Variants in HDGFL2 observed in about 807,000 individuals in gnomAD.
HDGFL2 encodes HDGF like 2.
HDGFL2 carries 36 observed loss-of-function variants against 77.1 expected under a neutral mutation model. That is an observed-to-expected ratio of 0.47 (90% confidence interval 0.36 to 0.62). HDGFL2 has a LOEUF of 0.62. Ranked by LOEUF, HDGFL2 falls within the 20% of genes least tolerant of loss-of-function variation. HDGFL2 has a pLI of 0.00. For synonymous variants in HDGFL2, 463 were observed against 413.1 expected (o/e 1.12, Z -1.46); for missense variants, 976 against 973.4 (o/e 1.00, Z -0.04).
At chr19:4,480,669 A>C (rs2145163407) in intron 3 of HDGFL2, among the ~76,000 whole-genome samples, 1 of 151,660 alleles carries the variant, frequency 6.6e-6, no homozygotes, top group East Asian at 2.0e-4. Flanking sequence ...CAGTGGGCTG[A>C]GATTGTGCCA....
chr19:4,499,437 C>CG (rs1975795411), intron 13 of HDGFL2, 54 bp from the exon 14 acceptor site: 1 of 1,547,490 alleles, frequency 6.5e-7, no homozygotes, highest in South Asian at 1.2e-5. Flanking sequence ...GGTTCAGAGC[C>CG]GGGGCTAGGG....
intron 4 of HDGFL2, among the ~76,000 whole-genome samples, chr19:4,491,253 A>ACCCCCCCC (rs1568211748): frequency 7.9e-4 from 20 of 25,266 alleles, no homozygotes; most frequent in Non-Finnish European, 1.4e-3. Context: ...CCCACCACCC[A>ACCCCCCCC]CCCCCCCACC....
intron 6 of HDGFL2, among the ~76,000 whole-genome samples, chr19:4,492,408 C>T (rs1174224950): frequency 1.3e-5 from 2 of 151,266 alleles, no homozygotes; most frequent in Admixed American, 6.6e-5. Flanking sequence ...CTGTACCTCT[C>T]CTCTGCGTCT....
chr19:4,485,109 G>T (rs1424542209), intron 3 of HDGFL2, among the ~76,000 whole-genome samples: 1 of 152,140 alleles, frequency 6.6e-6, no homozygotes, highest in Admixed American at 6.6e-5. Context: ...CCTGGCCCAG[G>T]ATATTTTCAA....
Position 4,494,305 on chromosome 19 carries a change from C to A in HDGFL2, c.1054C>A (p.Arg352=), listed in dbSNP as rs756355754. ...LREQEKEEKE[R]RRERADRGEA... ...GGAGCAGGAGAAGGAGGAGAAGGAG[C>A]GGAGGCGCGAGCGGGCCGACCGCGG... Residue 352 remains arginine (R), a synonymous_variant, in exon 9 of 16, where the codon CGG becomes AGG. Coordinates refer to ENST00000616600, the MANE Select transcript of HDGFL2 (RefSeq NM_001001520.3). The A allele has an allele frequency of 2.8e-5, 40 of 1,434,206 alleles. No homozygotes were observed. The highest frequency in any genetic ancestry group is 3.5e-5 in the Non-Finnish European group (38 of 1,097,540). 88.8% of individuals were successfully genotyped at this position (1,434,206 alleles called of 1,614,324 possible).
At chr19:4,497,031 C>A (rs545762859) in intron 10 of HDGFL2, 271 of 392,870 alleles carry the variant, frequency 6.9e-4, no homozygotes, top group African/African-American at 5.4e-3. Context: ...CCCGCCACCA[C>A]GCCTGGCTAA....
intron 14 of HDGFL2, among the ~76,000 whole-genome samples, chr19:4,500,037 G>T (rs1975816999): frequency 3.0e-4 from 2 of 6,562 alleles, no homozygotes; most frequent in African/African-American, 1.2e-3. Context: ...GTGCAGCGGG[G>T]GCAAAGAGTG....
chr19:4,475,725 G>C lies in HDGFL2; in HGVS notation c.288+142G>C, dbSNP rs1256165021. On this transcript the variant is annotated intron_variant, in intron 3 of 15. Transcript: ENST00000616600. ...GTGGGGCATTCTGGGCCCTGCAGGT[G>C]CTGAGCAGTGTCCCTGGCCTCCACC... The C allele has an allele frequency of 2.8e-6, 3 of 1,054,002 alleles. No individual in the cohort carries two copies. In the African/African-American group the frequency reaches 4.9e-5, roughly 17 times the overall value. The allele number at this position is 1,054,002 out of a possible 1,614,324, so 65.3% of individuals were successfully genotyped here.
rs1057208147 is a variant in HDGFL2 at position 4,499,484 on chromosome 19, T to C, written c.1576-7T>C. ...GGGTGAGCCAGGCCTCTTCTCTTGG[T>C]GGCCAGATTCGCCGTTACAAAGCGA... is the stretch of plus-strand genomic sequence containing the variant. On this transcript the variant is annotated splice_polypyrimidine_tract_variant and splice_region_variant and intron_variant, in intron 13 of 15. Coordinates refer to ENST00000616600, the MANE Select transcript of HDGFL2 (RefSeq NM_001001520.3). 1 of 1,611,326 alleles carries C rather than the reference T, an allele frequency of 6.2e-7. No homozygotes were observed. The highest frequency in any genetic ancestry group is 8.5e-7 in the Non-Finnish European group (1 of 1,178,668).
chr19:4,498,043 C>A lies in HDGFL2; in HGVS notation c.1402+12C>A, dbSNP rs1283099612. 3.2e-6 allele frequency: 5 copies of A among 1,547,700 alleles called. No individual in the cohort carries two copies. The highest frequency in any genetic ancestry group is 2.0e-5 in the Admixed American group (1 of 50,990). On this transcript the variant is annotated intron_variant, in intron 11 of 15. Transcript: ENST00000616600. ...AGAGAAGAAGAAAGGTGAGGCCTGG[C>A]TGCCCAGCACTGCCCACACTGAGTT...
rs2288925 is a variant in HDGFL2, at chr19:4,498,367, C to G, written c.1464C>G (p.Val488=). ...GTGAGATCAAGTTTGCCCTAAAGGTCGACAGCCCGGTAAGACCCTCAGGGC... is the reference window on the plus strand; with the variant it reads ...GTGAGATCAAGTTTGCCCTAAAGGTGGACAGCCCGGTAAGACCCTCAGGGC... The part of the protein sequence containing the change: ...LHSEIKFALK[V]DSPDVKRCLN... Residue 488 remains valine (V), a synonymous_variant, in exon 12 of 16, where the codon GTC becomes GTG. Coordinates refer to ENST00000616600, the MANE Select transcript of HDGFL2 (RefSeq NM_001001520.3). 26 of 1,613,246 alleles carry G rather than the reference C, an allele frequency of 1.6e-5. No homozygotes were observed. In the East Asian group the frequency reaches 2.2e-4, roughly 14 times the overall value.
intron 14 of HDGFL2, 91 bp downstream of exon 14, chr19:4,499,795 T>C (rs1483915489): frequency 2.9e-6 from 3 of 1,052,398 alleles, no homozygotes; most frequent in Non-Finnish European, 4.0e-6. Context: ...GGAGTACAGC[T>C]CTACTCTCTG....
At chr19:4,496,834 C>T in intron 10 of HDGFL2, 2 of 389,130 alleles carry the variant, frequency 5.1e-6, no homozygotes, top group East Asian at 7.0e-5. Context: ...CTTGGTCCCC[C>T]TGTGGTGGGC....
Position 4,493,764 on chromosome 19 carries a change from C to T in HDGFL2, c.740C>T (p.Pro247Leu), listed in dbSNP as rs1374620503. 2 of 1,543,008 alleles carry T rather than the reference C, an allele frequency of 1.3e-6. No homozygotes were observed. The highest frequency in any genetic ancestry group is 1.4e-5 in the African/African-American group (1 of 72,888). The part of the protein sequence containing the change: ...KADSDGAKPE[P>L]VAMARSASSS... The stretch of plus-strand genomic sequence containing the variant: ...GATTCGGACGGGGCCAAGCCTGAGC[C>T]GGTGGCCATGGCGCGGTCGGCGTCC... Residue 247 changes from proline to leucine, a missense_variant, in exon 7 of 16, where the codon CCG becomes CTG. Transcript: ENST00000616600.
chr19:4,502,082 C>A lies in HDGFL2; in HGVS notation c.*72C>A. 1.8e-6 allele frequency: 2 copies of A among 1,083,622 alleles called. No individual in the cohort carries two copies. Among genetic ancestry groups the A allele is most frequent in the Non-Finnish European group, 2.7e-6 (2 of 733,652 alleles). 67.1% of individuals were successfully genotyped at this position (1,083,622 alleles called of 1,614,324 possible). The stretch of plus-strand genomic sequence containing the variant: ...TCTCCTTCCCCGGCTCGCAGGAGAG[C>A]AGAGCAGAGAACTGTGGGGAACGCT... On this transcript the variant is annotated 3_prime_UTR_variant, in exon 16 of 16. Transcript: ENST00000616600.
intron 15 of HDGFL2, chr19:4,501,684 T>A (rs187392792): frequency 1.6e-5 from 8 of 500,868 alleles, no homozygotes; most frequent in Admixed American, 1.5e-4. Flanking sequence ...GTGGAGTCAC[T>A]CACTTACCCA....
At chr19:4,491,431 G>A in intron 4 of HDGFL2, 135 bp from the exon 5 acceptor site, 3 of 696,226 alleles carry the variant, frequency 4.3e-6, no homozygotes, top group Non-Finnish European at 7.6e-6. Flanking sequence ...GGTTTGATCA[G>A]GTTCTCAGAG....
chr19:4,481,519 G>A (rs2145166093), intron 3 of HDGFL2, among the ~76,000 whole-genome samples: 1 of 147,846 alleles, frequency 6.8e-6, no homozygotes, highest in Admixed American at 6.8e-5. Flanking sequence ...GTAGAGACGG[G>A]GTTTCACCAT....
intron 1 of HDGFL2, among the ~76,000 whole-genome samples, chr19:4,473,372 C>T (rs1054493216): frequency 6.6e-6 from 1 of 150,940 alleles, no homozygotes; most frequent in African/African-American, 2.4e-5. Flanking sequence ...CCTCGTGTGT[C>T]TGGGGGTGTC....
Sources: gnomAD v4.1 joint callset for allele counts (sites outside exome capture counted in the v4.1 genomes callset) on GRCh38, gnomAD v4.1.1 for gene constraint, MANE v1.5 for transcripts, NCBI Gene and HGNC (gene_info 2026-07-23, HGNC 2026-07-21) for gene names.